The following DNAJC11 variants were observed in gnomAD, a reference collection of about 807,000 sequenced individuals.
DNAJC11 encodes dnaJ homolog subfamily C member 11.
In DNAJC11, 15 loss-of-function variants were observed where a neutral mutation model predicts 78.6. That is an observed-to-expected ratio of 0.19 (90% CI 0.13 to 0.29). The LOEUF (loss-of-function observed/expected upper bound fraction) is 0.29, where lower values mean the gene tolerates loss of function less well. Ranked by LOEUF, DNAJC11 falls within the 10% of genes least tolerant of loss-of-function variation. The probability of loss-of-function intolerance (pLI) is 1.00; values close to 1 mark genes in which losing one functional copy is unlikely to be tolerated. For missense variants in DNAJC11, 547 were observed against 709.6 expected (o/e 0.77, Z 2.60); for synonymous variants, 292 against 272.1 (o/e 1.07, Z -0.72).
chr1:6,634,173 T>G lies in DNAJC11; in HGVS notation c.*1502A>C. On this transcript the variant is annotated 3_prime_UTR_variant, in exon 16 of 16. Transcript: ENST00000377577. ...TACACGGAAGAGCGCCAGCCTCTGC[T>G]TTCAGGAAAGGTTTATTGTGGTGAG... 7.6e-7 allele frequency: 1 copy of G among 1,312,774 alleles called. No individual in the cohort carries two copies. The allele number at this position is 1,312,774 out of a possible 1,614,324, so 81.3% of individuals were successfully genotyped here. A position where few individuals can be genotyped will look rare whatever the true frequency, so the allele number is the denominator to read the frequency against.
At chr1:6,700,253 C>T (rs752656488) in intron 1 of DNAJC11, among the ~76,000 whole-genome samples, 21 of 152,214 alleles carry the variant, frequency 1.4e-4, no homozygotes, top group Admixed American at 4.6e-4. Flanking sequence ...TTGCTCCTAA[C>T]TCCACCGCCT....
chr1:6,646,541 G>A (rs547883325), intron 7 of DNAJC11, among the ~76,000 whole-genome samples: 1 of 152,284 alleles, frequency 6.6e-6, no homozygotes, highest in South Asian at 2.1e-4. Flanking sequence ...ATTTCTGGGT[G>A]GAGGCATCAG....
intron 4 of DNAJC11, among the ~76,000 whole-genome samples, chr1:6,659,189 C>G (rs1235494860): frequency 6.6e-6 from 1 of 152,230 alleles, no homozygotes. Flanking sequence ...AACCATCACA[C>G]ATTAAGCCTG....
At chr1:6,657,927 G>A (rs1190214430) in intron 4 of DNAJC11, among the ~76,000 whole-genome samples, 1 of 152,224 alleles carries the variant, frequency 6.6e-6, no homozygotes, top group East Asian at 1.9e-4. Context: ...TTACAGGCGT[G>A]AGCCCCCATG....
In DNAJC11 at chr1:6,639,877, A is replaced by G. The variant is rs183503043; in HGVS notation, c.1253+25T>C. 7.1e-4 allele frequency: 1,137 copies of G among 1,607,256 alleles called. 1 individual carries two copies. Among genetic ancestry groups the G allele is most frequent in the Admixed American group, 1.2e-3 (71 of 58,910 alleles). The stretch of plus-strand genomic sequence containing the variant: ...AACTGAGGCACAGGGCTGGCTAGTG[A>G]CATGCCCATGACGTGTCAACTCACT... On this transcript the variant is annotated intron_variant, in intron 11 of 15. Coordinates refer to ENST00000377577, the MANE Select transcript of DNAJC11 (RefSeq NM_018198.4).
At chr1:6,655,700 T>G (rs533895054) in intron 4 of DNAJC11, among the ~76,000 whole-genome samples, 1 of 152,262 alleles carries the variant, frequency 6.6e-6, no homozygotes, top group Admixed American at 6.5e-5. Context: ...TCCCAGCTAC[T>G]CTAGAGGCTG....
rs1642079724 is a variant in DNAJC11 at position 6,653,080 on chromosome 1, GGA to G, written c.508-131_508-130del. On this transcript the variant is annotated intron_variant, in intron 5 of 15. Coordinates refer to ENST00000377577, the MANE Select transcript of DNAJC11 (RefSeq NM_018198.4). This position sits in a 1 kb window ranked among gnomAD's most constrained non-coding sequence, Gnocchi z 4.5. Reference sequence around the variant, plus strand: ...GATTCCTCTGTTCAGAAGCACACATGGATGCAGAACTGCCGCAACAGCTTCAC... The same window carrying G: ...GATTCCTCTGTTCAGAAGCACACATGTGCAGAACTGCCGCAACAGCTTCAC... 3 of 1,089,252 alleles carry G rather than the reference GGA, an allele frequency of 2.8e-6. No individual in the cohort carries two copies. Among genetic ancestry groups the G allele is most frequent in the African/African-American group, 1.6e-5 (1 of 63,594 alleles). 67.5% of individuals were successfully genotyped at this position (1,089,252 alleles called of 1,614,324 possible).
chr1:6,683,603 A>G (rs1642588692), intron 1 of DNAJC11, among the ~76,000 whole-genome samples: 1 of 152,248 alleles, frequency 6.6e-6, no homozygotes, highest in Admixed American at 6.5e-5. Flanking sequence ...TGTCCAGCTC[A>G]TACTAGGACC....
At chr1:6,644,728 G>A (rs1026824065) in intron 9 of DNAJC11, 54 bp from the exon 10 acceptor site, 7 of 1,485,386 alleles carry the variant, frequency 4.7e-6, no homozygotes, top group Admixed American at 1.7e-5. Flanking sequence ...CACTTCAGGG[G>A]CAGCTGTCAT....
intron 7 of DNAJC11, among the ~76,000 whole-genome samples, chr1:6,648,594 T>C (rs1437564841): frequency 6.6e-6 from 1 of 152,160 alleles, no homozygotes; most frequent in Non-Finnish European, 1.5e-5. Context: ...GTAGCTGGGA[T>C]TACAGGTGTG....
intron 1 of DNAJC11, among the ~76,000 whole-genome samples, chr1:6,687,154 G>A (rs1010490813): frequency 6.6e-6 from 1 of 152,182 alleles, no homozygotes; most frequent in African/African-American, 2.4e-5. Flanking sequence ...CTGAGTAAGA[G>A]CTGTTCTACG....
intron 7 of DNAJC11, 31 bp downstream of exon 7, chr1:6,651,498 C>A: frequency 6.2e-7 from 1 of 1,600,438 alleles, no homozygotes. Context: ...ACAAAGACCA[C>A]CAAAGAGGAG....
intron 1 of DNAJC11, among the ~76,000 whole-genome samples, chr1:6,684,443 T>C (rs765433115): frequency 6.6e-6 from 1 of 152,234 alleles, no homozygotes; most frequent in Non-Finnish European, 1.5e-5. Flanking sequence ...AAGTTACAAG[T>C]ACTGGATTAG....
At chr1:6,693,631 C>T (rs1642786535) in intron 1 of DNAJC11, among the ~76,000 whole-genome samples, 3 of 152,128 alleles carry the variant, frequency 2.0e-5, no homozygotes, top group African/African-American at 2.4e-5. Context: ...ATTCACCCGC[C>T]TCAGCCTCCC....
intron 3 of DNAJC11, among the ~76,000 whole-genome samples, chr1:6,669,629 A>G (rs1361229118): frequency 6.6e-6 from 1 of 152,212 alleles, no homozygotes; most frequent in Non-Finnish European, 1.5e-5. Context: ...AAGGAAGACC[A>G]TCTAGTTGAC....
chr1:6,650,621 C>A (rs1330106467), intron 7 of DNAJC11, among the ~76,000 whole-genome samples: 3 of 152,148 alleles, frequency 2.0e-5, no homozygotes, highest in African/African-American at 7.2e-5. Context: ...CGCCTGTAAT[C>A]TCACCACTTT....
intron 10 of DNAJC11, among the ~76,000 whole-genome samples, chr1:6,642,179 C>T (rs1036280355): frequency 6.6e-6 from 1 of 152,046 alleles, no homozygotes; most frequent in Non-Finnish European, 1.5e-5. Flanking sequence ...TACTACATCA[C>T]GGAGGGCATT....
chr1:6,636,294 C>G (rs1448309402), intron 14 of DNAJC11, 48 bp from the exon 15 acceptor site: 19 of 1,606,314 alleles, frequency 1.2e-5, no homozygotes, highest in Non-Finnish European at 1.5e-5. Context: ...GGTCTAAGAC[C>G]AGCACTCCTC....
At chr1:6,667,307 G>A (rs1570291046) in intron 4 of DNAJC11, among the ~76,000 whole-genome samples, 2 of 152,146 alleles carry the variant, frequency 1.3e-5, no homozygotes, top group East Asian at 3.9e-4. Context: ...CTGCCTCAAT[G>A]CTTAGGTGGT....
Sources: gnomAD v4.1 joint callset for allele counts (sites outside exome capture counted in the v4.1 genomes callset) on GRCh38, gnomAD v4.1.1 for gene constraint, Gnocchi (gnomAD v3.1) non-coding constraint, MANE v1.5 for transcripts, NCBI Gene and HGNC (gene_info 2026-07-23, HGNC 2026-07-21) for gene names.